TGFBRAP1: variants seen among roughly 807,000 people sequenced by gnomAD.
TGFBRAP1 encodes transforming growth factor beta receptor associated protein 1.
TGFBRAP1 carries 20 observed loss-of-function variants against 83.2 expected under a neutral mutation model. The observed-to-expected ratio is 0.24, with a 90% CI of 0.17 to 0.35. TGFBRAP1 has a LOEUF of 0.35. TGFBRAP1 is among the 10% of genes least tolerant of loss of function. TGFBRAP1 has a pLI of 1.00. For missense variants in TGFBRAP1, 950 were observed against 1,099.4 expected (o/e 0.86, Z 1.92); for synonymous variants, 415 against 459.8 (o/e 0.90, Z 1.25).
At chr2:105,284,747 G>A (rs142107339) in intron 4 of TGFBRAP1, among the ~76,000 whole-genome samples, 1 of 152,218 alleles carries the variant, frequency 6.6e-6, no homozygotes, top group East Asian at 1.9e-4. Flanking sequence ...TTCTGGAATT[G>A]AACTCACAGT....
At chr2:105,322,136 ATG>A (rs537323161) in intron 1 of TGFBRAP1, among the ~76,000 whole-genome samples, 229 of 152,216 alleles carry the variant, frequency 1.5e-3, no homozygotes, top group African/African-American at 5.3e-3. Flanking sequence ...GCCAAGGCTA[ATG>A]TGTGTGTGTT....
chr2:105,299,446 G>C (rs772972636), intron 2 of TGFBRAP1, among the ~76,000 whole-genome samples: 2 of 152,090 alleles, frequency 1.3e-5, no homozygotes, highest in South Asian at 4.1e-4. Flanking sequence ...ACATGCTCTA[G>C]ACAGCACAGC....
intron 1 of TGFBRAP1, chr2:105,324,081 CTG>C (rs1235868905): frequency 1.3e-5 from 2 of 152,108 alleles, no homozygotes; most frequent in Non-Finnish European, 2.9e-5. Flanking sequence ...AGTGGGGAAA[CTG>C]GATCAGAAAA....
At chr2:105,281,074 CTG>C (rs1371537688) in intron 5 of TGFBRAP1, among the ~76,000 whole-genome samples, 2 of 152,228 alleles carry the variant, frequency 1.3e-5, no homozygotes, top group African/African-American at 2.4e-5. Flanking sequence ...CCATCAGAGT[CTG>C]CGCAAAGGCA....
downstream of TGFBRAP1, among the ~76,000 whole-genome samples, chr2:105,259,885 A>G (rs890222901): frequency 6.6e-6 from 1 of 152,194 alleles, no homozygotes; most frequent in African/African-American, 2.4e-5. Context: ...TAGACCATTC[A>G]TGAGCTCTGC....
At chr2:105,272,290 T>C (rs1041653918) in intron 10 of TGFBRAP1, among the ~76,000 whole-genome samples, 3 of 152,166 alleles carry the variant, frequency 2.0e-5, no homozygotes, top group Non-Finnish European at 2.9e-5. Flanking sequence ...ATAACCTTCT[T>C]GCTTAGAGCT....
intron 5 of TGFBRAP1, among the ~76,000 whole-genome samples, chr2:105,281,384 G>C (rs34357249): frequency 0.13 from 19,969 of 152,212 alleles, 1,671 homozygotes; most frequent in Non-Finnish European, 0.19. Context: ...CCCAGTGTCA[G>C]ACCCAGCTGT....
chr2:105,257,039 T>G, the TGFBRAP1 span, among the ~76,000 whole-genome samples: 4 of 152,344 alleles, frequency 2.6e-5, no homozygotes, highest in African/African-American at 9.6e-5. Context: ...TTGTTTAGCA[T>G]GTAATCAAGA....
chr2:105,278,363 C>G (rs893032510), intron 6 of TGFBRAP1, among the ~76,000 whole-genome samples: 5 of 152,110 alleles, frequency 3.3e-5, no homozygotes, highest in African/African-American at 4.8e-5. Context: ...TATGCAGAAG[C>G]TACTTTGCCT....
intron 8 of TGFBRAP1, among the ~76,000 whole-genome samples, chr2:105,274,809 G>A (rs1280648433): frequency 6.6e-6 from 1 of 152,230 alleles, no homozygotes; most frequent in Admixed American, 6.5e-5. Flanking sequence ...GGCAGATGCA[G>A]CACTCAGAAA....
At chr2:105,273,154 C>A in intron 9 of TGFBRAP1, 140 bp from the exon 10 acceptor site, 5 of 1,071,426 alleles carry the variant, frequency 4.7e-6, no homozygotes, top group Non-Finnish European at 6.6e-6. Flanking sequence ...GGATCGAAAC[C>A]CTCTCAGAAA....
chr2:105,297,126 A>G (rs990513068), intron 3 of TGFBRAP1, among the ~76,000 whole-genome samples: 1 of 152,274 alleles, frequency 6.6e-6, no homozygotes, highest in South Asian at 2.1e-4. Flanking sequence ...TGGAAGAGTC[A>G]GAACTGCAGT....
At chr2:105,311,145 T>TAAAAAAAA (rs11389565) in intron 1 of TGFBRAP1, among the ~76,000 whole-genome samples, 1 of 125,488 alleles carries the variant, frequency 8.0e-6, no homozygotes, top group African/African-American at 3.1e-5. Context: ...GAGAGAGCTG[T>TAAAAAAAA]AAAAAAAAAA....
intron 2 of TGFBRAP1, among the ~76,000 whole-genome samples, chr2:105,299,619 G>A (rs1173412278): frequency 2.1e-4 from 32 of 152,000 alleles, no homozygotes; most frequent in Admixed American, 2.0e-3. Flanking sequence ...CAAGGACCTG[G>A]GGCAGTGGTG....
rs1677056234 is a variant in TGFBRAP1 at position 105,269,195 on chromosome 2, T to C, written c.2406+77A>G. On this transcript the variant is annotated intron_variant, in intron 11 of 11. Coordinates refer to ENST00000393359, the MANE Select transcript of TGFBRAP1 (RefSeq NM_004257.6). This position sits in a 1 kb window ranked among gnomAD's most constrained non-coding sequence, Gnocchi z 4.1. ...AGAAAAAAGAAAAACCAACAAAGAC[T>C]ATTTTTCCATCAGTAAAATCTACCT... 6.9e-7 allele frequency: 1 copy of C among 1,441,848 alleles called. No homozygotes were observed. The highest frequency in any genetic ancestry group is 2.7e-5 in the Admixed American group (1 of 36,782). 89.3% of individuals were successfully genotyped at this position (1,441,848 alleles called of 1,614,324 possible).
chr2:105,274,839 G>A (rs138919828), intron 8 of TGFBRAP1, among the ~76,000 whole-genome samples: 24 of 152,292 alleles, frequency 1.6e-4, no homozygotes, highest in Admixed American at 1.2e-3. Context: ...CAGGACCAAC[G>A]TCCTGCATCA....
chr2:105,270,690 G>C (rs1309857505), intron 10 of TGFBRAP1, among the ~76,000 whole-genome samples: 1 of 152,206 alleles, frequency 6.6e-6, no homozygotes, highest in Non-Finnish European at 1.5e-5. Flanking sequence ...GGCCCTGCAA[G>C]GTACATCCCT....
chr2:105,261,870 C>T (rs1045179683), downstream of TGFBRAP1, among the ~76,000 whole-genome samples: 8 of 152,206 alleles, frequency 5.3e-5, no homozygotes, highest in East Asian at 5.8e-4. Flanking sequence ...CAGCTGGAAC[C>T]GGGATTGAGG....
chr2:105,289,010 C>T (rs1191164703), intron 4 of TGFBRAP1, among the ~76,000 whole-genome samples: 1 of 152,138 alleles, frequency 6.6e-6, no homozygotes, highest in African/African-American at 2.4e-5. Flanking sequence ...TTCTTCCCAC[C>T]CTGCACCTGT....
Sources: gnomAD v4.1 joint callset for allele counts (sites outside exome capture counted in the v4.1 genomes callset) on GRCh38, gnomAD v4.1.1 for gene constraint, Gnocchi (gnomAD v3.1) non-coding constraint, MANE v1.5 for transcripts, NCBI Gene and HGNC (gene_info 2026-07-23, HGNC 2026-07-21) for gene names.